RHOBTB2: variants seen among roughly 807,000 people sequenced by gnomAD.
RHOBTB2 encodes rho-related BTB domain-containing protein 2.
In RHOBTB2, 39 loss-of-function variants were observed where a neutral mutation model predicts 66.5. The ratio of observed to expected loss-of-function variants is 0.59; its 90% CI spans 0.45 to 0.77. The LOEUF (loss-of-function observed/expected upper bound fraction) is 0.77. Ranked by LOEUF, RHOBTB2 falls within the 30% of genes least tolerant of loss-of-function variation. The pLI, the probability that RHOBTB2 is intolerant of heterozygous loss-of-function variation, is 0.00. For missense variants in RHOBTB2, 755 were observed against 999.1 expected, an observed-to-expected ratio of 0.76 and a Z score of 3.29; for synonymous variants, 390 against 395.0, an observed-to-expected ratio of 0.99 and a Z score of 0.15.
At chr8:23,010,766 G>A (rs750437758) in intron 7 of RHOBTB2, 78 bp downstream of exon 7, 53 of 1,481,004 alleles carry the variant, frequency 3.6e-5, no homozygotes, top group East Asian at 4.5e-5. Flanking sequence ...CTCCTCTCAC[G>A]TCTCTCCTGG....
intron 2 of RHOBTB2, among the ~76,000 whole-genome samples, chr8:22,992,902 C>T (rs1262290731): frequency 6.6e-6 from 1 of 152,210 alleles, no homozygotes; most frequent in South Asian, 2.1e-4. Context: ...AGTCTGCATG[C>T]CCACACCTCT....
chr8:22,967,481 G>A, the RHOBTB2 span, among the ~76,000 whole-genome samples: 9 of 151,550 alleles, frequency 5.9e-5, no homozygotes, highest in African/African-American at 2.2e-4. Flanking sequence ...CGTGATGGCA[G>A]GCGCCTGTAA....
rs371059598 is a variant in RHOBTB2, at chr8:23,008,027, C to T, written c.1536C>T (p.Ser512=). The change falls in exon 6 of 10, where the codon AGC becomes AGT. Residue 512 remains serine, a synonymous_variant. Coordinates refer to ENST00000251822, the MANE Select transcript of RHOBTB2 (RefSeq NM_015178.3). ...TCATCCTGGATGATGGCACCATCAG[C>T]GCCCACAAGCCCCTGTTGATTTCCA... ...VTFILDDGTI[S]AHKPLLISSC... 2.0e-4 allele frequency: 327 copies of T among 1,613,686 alleles called. No individual in the cohort carries two copies. The highest frequency in any genetic ancestry group is 2.7e-4 in the Non-Finnish European group (317 of 1,179,898).
At position 22,999,789 on chromosome 8, in the gene RHOBTB2, C is replaced by T. The variant is rs972574876; in HGVS notation, c.-327C>T. 2.0e-6 allele frequency: 2 copies of T among 984,092 alleles called. No individual in the cohort carries two copies. 61.0% of individuals were successfully genotyped at this position (984,092 alleles called of 1,614,324 possible). A position where few individuals can be genotyped will look rare whatever the true frequency, so the allele number is the denominator to read the frequency against. On this transcript the variant is annotated 5_prime_UTR_variant, in exon 1 of 10. Coordinates refer to ENST00000251822, the MANE Select transcript of RHOBTB2 (RefSeq NM_015178.3). Reference sequence around the variant, plus strand: ...GGCGCCCCTGCGCGCCGCCCGCTGCCTCCGCAGCCCGGCTCCGCGCGCCGC... The same window carrying T: ...GGCGCCCCTGCGCGCCGCCCGCTGCTTCCGCAGCCCGGCTCCGCGCGCCGC...
At chr8:22,994,727 T>G, upstream of RHOBTB2, 1 of 1,036,578 alleles carries the variant, frequency 9.6e-7, no homozygotes, top group Non-Finnish European at 1.5e-6. Flanking sequence ...AATTGTTTGT[T>G]GAAGCACTAG....
intron 7 of RHOBTB2, among the ~76,000 whole-genome samples, chr8:23,013,160 C>A (rs1453912313): frequency 1.3e-5 from 2 of 152,038 alleles, no homozygotes; most frequent in Non-Finnish European, 2.9e-5. Flanking sequence ...GTCTTAAACT[C>A]CAGCCTCAAG....
chr8:22,989,085 T>C (rs1176323408), intron 1 of RHOBTB2, among the ~76,000 whole-genome samples: 1 of 152,224 alleles, frequency 6.6e-6, no homozygotes, highest in Non-Finnish European at 1.5e-5. Flanking sequence ...GCCATCTCTA[T>C]CAATACACGC....
At chr8:22,958,115 C>T in the RHOBTB2 span, among the ~76,000 whole-genome samples, 2 of 152,234 alleles carry the variant, frequency 1.3e-5, no homozygotes, top group African/African-American at 2.4e-5. Context: ...CTTTACCACT[C>T]AGTCAGTGCT....
chr8:22,975,527 G>A, the RHOBTB2 span, among the ~76,000 whole-genome samples: 1 of 152,134 alleles, frequency 6.6e-6, no homozygotes, highest in Non-Finnish European at 1.5e-5. Context: ...GAAGGCCAGG[G>A]GATGTGAACT....
chr8:22,999,480 C>T (rs1475381836), upstream of RHOBTB2: 1 of 914,846 alleles, frequency 1.1e-6, no homozygotes, highest in East Asian at 1.2e-4. Flanking sequence ...CGTCCAATCC[C>T]CTTCTTCCCC....
In RHOBTB2 at chr8:23,018,870, G is replaced by C. The variant is rs1284209978; in HGVS notation, c.*1401G>C. 3 of 153,046 alleles carry C rather than the reference G, an allele frequency of 2.0e-5. No individual in the cohort carries two copies. The highest frequency in any genetic ancestry group is 7.2e-5 in the African/African-American group (3 of 41,452). The allele number at this position is 153,046 out of a possible 1,614,324, so 9.5% of individuals were successfully genotyped here. A position where few individuals can be genotyped will look rare whatever the true frequency, so the allele number is the denominator to read the frequency against. On this transcript the variant is annotated 3_prime_UTR_variant, in exon 10 of 10. Coordinates refer to ENST00000251822, the MANE Select transcript of RHOBTB2 (RefSeq NM_015178.3). Reference sequence around the variant, plus strand: ...GGGTGGGATAAGGGGAAGGAGAAGAGGGAGAATGGAGCAGGAGGAAAAGCA... The same window carrying C: ...GGGTGGGATAAGGGGAAGGAGAAGACGGAGAATGGAGCAGGAGGAAAAGCA...
At chr8:22,961,093 T>C in the RHOBTB2 span, among the ~76,000 whole-genome samples, 1 of 152,048 alleles carries the variant, frequency 6.6e-6, no homozygotes, top group African/African-American at 2.4e-5. Flanking sequence ...TAGAGAAGGG[T>C]GTCTCCCTAT....
intron 7 of RHOBTB2, among the ~76,000 whole-genome samples, chr8:23,012,644 G>T (rs984336047): frequency 5.3e-5 from 8 of 152,172 alleles, no homozygotes; most frequent in African/African-American, 1.9e-4. Flanking sequence ...TTAGAGACAG[G>T]ATCTTGCTCT....
chr8:22,960,689 G>A, the RHOBTB2 span, among the ~76,000 whole-genome samples: 5 of 152,120 alleles, frequency 3.3e-5, no homozygotes, highest in African/African-American at 9.7e-5. Context: ...AATGTTCTAC[G>A]TGCAAGACAA....
At chr8:23,001,874 A>C (rs1248111044) in intron 1 of RHOBTB2, among the ~76,000 whole-genome samples, 2 of 152,260 alleles carry the variant, frequency 1.3e-5, no homozygotes, top group East Asian at 3.9e-4. Flanking sequence ...GGGTTGCGCA[A>C]CCCAGAAGGT....
the RHOBTB2 span, among the ~76,000 whole-genome samples, chr8:22,972,687 TG>T: frequency 6.6e-6 from 1 of 152,210 alleles, no homozygotes; most frequent in Non-Finnish European, 1.5e-5. Flanking sequence ...TGTGGAGGGT[TG>T]GACCCTACTC....
chr8:22,994,044 A>G (rs981517556), intron 2 of RHOBTB2, among the ~76,000 whole-genome samples: 1 of 152,200 alleles, frequency 6.6e-6, no homozygotes, highest in Non-Finnish European at 1.5e-5. Flanking sequence ...CTGAGTCTCA[A>G]TTTGGGTCAG....
At position 23,006,690 on chromosome 8, in the gene RHOBTB2, C is replaced by T; in HGVS notation, c.483-38C>T. The T allele has an allele frequency of 1.3e-6, 2 of 1,569,108 alleles. No homozygotes were observed. The highest frequency in any genetic ancestry group is 8.7e-7 in the Non-Finnish European group (1 of 1,152,478). On this transcript the variant is annotated intron_variant, in intron 4 of 9. Coordinates refer to ENST00000251822, the MANE Select transcript of RHOBTB2 (RefSeq NM_015178.3). The surrounding 1 kb of genome is among the most constrained non-coding windows in gnomAD (Gnocchi z 6.1). Reference sequence around the variant, plus strand: ...GGAAGAACAGGCAGCCTCCCTCCACCACCAACACAAGCTTGGTTTCCTTCT... The same window carrying T: ...GGAAGAACAGGCAGCCTCCCTCCACTACCAACACAAGCTTGGTTTCCTTCT...
chr8:22,999,632 TCCCTA>T lies in RHOBTB2; in HGVS notation c.-483_-479del. On this transcript the variant is annotated 5_prime_UTR_variant, in exon 1 of 10. Transcript: ENST00000251822. ...CCGTTTTTTTCTTTTCTTTTTTTTTTCCCTATCCTTTTTTTGTGAATGAAAAAAGG... is the reference window on the plus strand; with the variant it reads ...CCGTTTTTTTCTTTTCTTTTTTTTTTTCCTTTTTTTGTGAATGAAAAAAGG... 1 of 1,245,172 alleles carries T rather than the reference TCCCTA, an allele frequency of 8.0e-7. No individual in the cohort carries two copies. Among genetic ancestry groups the T allele is most frequent in the South Asian group, 1.3e-5 (1 of 76,818 alleles). The allele number at this position is 1,245,172 out of a possible 1,614,324, so 77.1% of individuals were successfully genotyped here. A position where few individuals can be genotyped will look rare whatever the true frequency, so the allele number is the denominator to read the frequency against.
Sources: gnomAD v4.1 joint callset for allele counts (sites outside exome capture counted in the v4.1 genomes callset) on GRCh38, gnomAD v4.1.1 for gene constraint, Gnocchi (gnomAD v3.1) non-coding constraint, MANE v1.5 for transcripts, NCBI Gene and HGNC (gene_info 2026-07-23, HGNC 2026-07-21) for gene names.